The following BCCIP variants were observed in gnomAD, a reference collection of about 807,000 sequenced individuals.
BCCIP encodes BRCA2 and CDKN1A-interacting protein.
In BCCIP, 23 loss-of-function variants were observed where a neutral mutation model predicts 32.8. That is an observed-to-expected ratio of 0.70 (90% CI 0.51 to 0.99). The LOEUF (loss-of-function observed/expected upper bound fraction) is 0.99, where lower values mean the gene tolerates loss of function less well. BCCIP is among the 50% of genes least tolerant of loss of function. The pLI is 0.00. For missense variants in BCCIP, 378 were observed against 379.8 expected, an observed-to-expected ratio of 1.00 and a Z score of 0.04; for synonymous variants, 144 against 137.6, an observed-to-expected ratio of 1.05 and a Z score of -0.33.
At chr10:125,835,126 C>G (rs1468701133) in intron 6 of BCCIP, among the ~76,000 whole-genome samples, 2 of 150,754 alleles carry the variant, frequency 1.3e-5, no homozygotes, top group East Asian at 4.0e-4. Context: ...GAGCGAGACT[C>G]TGTCTCAGAA....
At chr10:125,836,843 C>T (rs1182564083), downstream of BCCIP, 1 of 1,613,830 alleles carries the variant, frequency 6.2e-7, no homozygotes, top group African/African-American at 1.3e-5. Flanking sequence ...ATTGTGGTAC[C>T]AGCTGCATAA....
At chr10:125,840,557 C>T (rs1347909025), downstream of BCCIP, among the ~76,000 whole-genome samples, 2 of 152,216 alleles carry the variant, frequency 1.3e-5, no homozygotes, top group Non-Finnish European at 2.9e-5. Context: ...GTCTGTGTCC[C>T]CCGTCACCAT....
At chr10:125,829,121 T>C (rs1564817777) in intron 3 of BCCIP, among the ~76,000 whole-genome samples, 3 of 152,198 alleles carry the variant, frequency 2.0e-5, no homozygotes, top group African/African-American at 7.2e-5. Flanking sequence ...TAGGTCACTT[T>C]GTCAGAAGAG....
At position 125,836,161 on chromosome 10, in the gene BCCIP, G is replaced by C; in HGVS notation, c.832G>C (p.Gly278Arg). Residue 278 changes from glycine to arginine, a missense_variant, in exon 7 of 7, where the codon GGC becomes CGC. Physicochemically the swap from Gly to Arg is moderately radical, Grantham distance 125 (BLOSUM62 -2). Coordinates refer to ENST00000278100, the MANE Select transcript of BCCIP (RefSeq NM_078468.3). ...GGAGGAGAGCGACACTTGTCTGGGA[G>C]GCAAATGGTCTTTTGATGACGTACC... is the stretch of plus-strand genomic sequence containing the variant. ...VQEESDTCLGGKWSFDDVPMT... is the reference protein window; with the variant it reads ...VQEESDTCLGRKWSFDDVPMT... The C allele has an allele frequency of 1.2e-6, 2 of 1,614,216 alleles. No homozygotes were observed. Among genetic ancestry groups the C allele is most frequent in the South Asian group, 1.1e-5 (1 of 91,090 alleles).
chr10:125,834,406 C>T (rs1382872171), intron 6 of BCCIP, among the ~76,000 whole-genome samples: 1 of 152,122 alleles, frequency 6.6e-6, no homozygotes, highest in Non-Finnish European at 1.5e-5. Flanking sequence ...GGATGTCATC[C>T]TGCTGGTGGG....
At chr10:125,844,839 T>C (rs1015490730), downstream of BCCIP, among the ~76,000 whole-genome samples, 1 of 152,238 alleles carries the variant, frequency 6.6e-6, no homozygotes, top group African/African-American at 2.4e-5. Flanking sequence ...TCATCTTTAT[T>C]AAGCTCGCTT....
chr10:125,827,767 C>A, intron 3 of BCCIP, 129 bp downstream of exon 3: 1 of 636,518 alleles, frequency 1.6e-6, no homozygotes, highest in South Asian at 2.0e-5. Flanking sequence ...GCCAGGAGTT[C>A]AAGACCATCC....
At chr10:125,826,769 G>A in intron 2 of BCCIP, 104 bp downstream of exon 2, 1 of 1,493,950 alleles carries the variant, frequency 6.7e-7, no homozygotes, top group Non-Finnish European at 8.9e-7. Flanking sequence ...GAAGGCCGAG[G>A]TGAGAGGATT....
chr10:125,826,494 A>G, intron 1 of BCCIP, 97 bp from the exon 2 acceptor site: 2 of 1,547,898 alleles, frequency 1.3e-6, no homozygotes, highest in Non-Finnish European at 1.7e-6. Flanking sequence ...GGTGCTTTGT[A>G]TTCTTCACAG....
At chr10:125,827,366 T>A (rs1854422170) in intron 2 of BCCIP, among the ~76,000 whole-genome samples, 192 bp from the exon 3 acceptor site, 1 of 152,114 alleles carries the variant, frequency 6.6e-6, no homozygotes, top group Non-Finnish European at 1.5e-5. Context: ...ACTACTGACT[T>A]CTTCTTTTCT....
intron 3 of BCCIP, among the ~76,000 whole-genome samples, chr10:125,829,079 C>T (rs116021993): frequency 0.017 from 2,614 of 152,214 alleles, 83 homozygotes; most frequent in African/African-American, 0.059. Flanking sequence ...GGGGAGGGCA[C>T]ATTGATCCCA....
chr10:125,840,738 G>T, downstream of BCCIP: 3 of 1,253,206 alleles, frequency 2.4e-6, no homozygotes, highest in Non-Finnish European at 2.2e-6. Context: ...TTGCATTCAA[G>T]TGGCCAGTAG....
downstream of BCCIP, chr10:125,839,252 C>T: frequency 1.3e-6 from 2 of 1,535,702 alleles, no homozygotes; most frequent in Non-Finnish European, 1.8e-6. Context: ...AGAGCCCAGG[C>T]CAGGCAGTTG....
At chr10:125,841,654 C>T in exon 7 of BCCIP, 1 of 1,526,230 alleles carries the variant, frequency 6.6e-7, no homozygotes, top group Non-Finnish European at 8.7e-7. Context: ...GCTCTGTGCT[C>T]CTCAAAATAT....
Position 125,827,541 on chromosome 10 carries a change from T to C in BCCIP, c.241-17T>C, listed in dbSNP as rs763778760. The C allele has an allele frequency of 5.2e-6, 8 of 1,543,646 alleles. No homozygotes were observed. The African/African-American group carries it at 9.6e-5, about 19-fold the overall frequency. On this transcript the variant is annotated splice_polypyrimidine_tract_variant and intron_variant, in intron 2 of 6. Transcript: ENST00000278100. The stretch of plus-strand genomic sequence containing the variant: ...ATGCTTTGATCTTAATTTAAAATAA[T>C]TTTTTCCTCCTTTTAGCTTTTTCTA...
chr10:125,840,106 C>T (rs1854829340), downstream of BCCIP, among the ~76,000 whole-genome samples: 1 of 152,216 alleles, frequency 6.6e-6, no homozygotes, highest in Non-Finnish European at 1.5e-5. Context: ...GTAAAAGATG[C>T]TTCATGGAAA....
chr10:125,839,655 G>T (rs1854815298), downstream of BCCIP, among the ~76,000 whole-genome samples: 1 of 152,200 alleles, frequency 6.6e-6, no homozygotes, highest in Non-Finnish European at 1.5e-5. Context: ...TTAATGATAA[G>T]AACAGGATTA....
At chr10:125,846,500 T>C (rs893887936), downstream of BCCIP, among the ~76,000 whole-genome samples, 4 of 152,238 alleles carry the variant, frequency 2.6e-5, no homozygotes, top group Non-Finnish European at 5.9e-5. Flanking sequence ...GAGTATCTTG[T>C]GCTATTGGCA....
downstream of BCCIP, chr10:125,839,227 TGTCAG>T: frequency 6.3e-7 from 1 of 1,599,376 alleles, no homozygotes; most frequent in South Asian, 1.1e-5. Flanking sequence ...AGAAATGATT[TGTCAG>T]AAGCTCTGAA....
Sources: gnomAD v4.1 joint callset for allele counts (sites outside exome capture counted in the v4.1 genomes callset) on GRCh38, gnomAD v4.1.1 for gene constraint, MANE v1.5 for transcripts, NCBI Gene and HGNC (gene_info 2026-07-23, HGNC 2026-07-21) for gene names.